UNC13B: variants seen among roughly 807,000 people sequenced by gnomAD.
UNC13B encodes the protein unc-13 homolog B.
UNC13B carries 144 observed loss-of-function variants against 211.0 expected under a neutral mutation model. The ratio of observed to expected loss-of-function variants is 0.68; its 90% CI spans 0.60 to 0.78. The LOEUF is 0.78. UNC13B is among the 30% of genes least tolerant of loss of function. The pLI, the probability that UNC13B is intolerant of heterozygous loss-of-function variation, is 0.00. For missense variants in UNC13B, 1,777 were observed against 2,002.0 expected (o/e 0.89, Z 2.14); for synonymous variants, 709 against 725.8 (o/e 0.98, Z 0.37).
intron 1 of UNC13B, among the ~76,000 whole-genome samples, chr9:35,212,821 G>A (rs1824043710): frequency 6.6e-6 from 1 of 152,216 alleles, no homozygotes; most frequent in Non-Finnish European, 1.5e-5. Flanking sequence ...GAACATGAGA[G>A]TTGGTGGAGG....
At chr9:35,358,368 C>T (rs1044710886) in intron 11 of UNC13B, among the ~76,000 whole-genome samples, 27 of 152,166 alleles carry the variant, frequency 1.8e-4, no homozygotes, top group African/African-American at 6.3e-4. Context: ...TTTGAAGAAT[C>T]ACCATACCAT....
chr9:35,371,364 T>A (rs564394053), intron 13 of UNC13B, among the ~76,000 whole-genome samples: 2 of 151,012 alleles, frequency 1.3e-5, no homozygotes, highest in African/African-American at 4.8e-5. Flanking sequence ...TTTTTTTTTT[T>A]ATAGAGACGG....
chr9:35,214,467 C>T (rs1040502280), intron 1 of UNC13B, among the ~76,000 whole-genome samples: 6 of 151,708 alleles, frequency 4.0e-5, no homozygotes, highest in Non-Finnish European at 2.9e-5. Context: ...AAGAACAAAA[C>T]AAAAGAAACT....
intron 10 of UNC13B, among the ~76,000 whole-genome samples, chr9:35,313,127 T>G (rs1044981799): frequency 2.0e-5 from 3 of 152,146 alleles, no homozygotes; most frequent in Non-Finnish European, 2.9e-5. Flanking sequence ...CTATACTACG[T>G]ATTGACTCAG....
At chr9:35,251,137 G>A (rs898079477) in intron 6 of UNC13B, among the ~76,000 whole-genome samples, 2 of 151,616 alleles carry the variant, frequency 1.3e-5, no homozygotes, top group East Asian at 2.0e-4. Flanking sequence ...TAATTTTTTT[G>A]TATCTTTTAG....
intron 12 of UNC13B, among the ~76,000 whole-genome samples, chr9:35,367,329 G>C (rs1833837000): frequency 6.6e-6 from 1 of 152,078 alleles, no homozygotes; most frequent in Admixed American, 6.5e-5. Flanking sequence ...AAAAATATCT[G>C]CATTTGGAAA....
rs73499383 is a variant in UNC13B, at chr9:35,351,483, A to G, written c.9415-15464A>G. On this transcript the variant is annotated intron_variant, in intron 11 of 39. Coordinates refer to ENST00000635942, the MANE Select transcript of UNC13B (RefSeq NM_001371189.2). ...TCTCTATTAAGCATCCTGACCAGAA[A>G]TAAGAGGAAGAAGCAGAGAACCCCT... The G allele has an allele frequency of 5.9e-3, 7,266 of 1,231,998 alleles. 319 individuals are homozygous for G. The African/African-American group carries it at 0.094, about 16-fold the overall frequency. 76.3% of individuals were successfully genotyped at this position (1,231,998 alleles called of 1,614,324 possible). A position where few individuals can be genotyped will look rare whatever the true frequency, so the allele number is the denominator to read the frequency against.
intron 1 of UNC13B, among the ~76,000 whole-genome samples, chr9:35,202,422 T>A (rs1823362416): frequency 6.6e-6 from 1 of 152,220 alleles, no homozygotes; most frequent in Admixed American, 6.5e-5. Flanking sequence ...TTCTGTCTCA[T>A]TGAGCTGTCT....
Position 35,306,459 on chromosome 9 carries a change from T to C in UNC13B, c.7055T>C (p.Leu2352Pro). The change falls in exon 9 of 40, where the codon CTT (leucine) becomes CCT (proline). Residue 2352 changes from leucine to proline, a missense_variant. Leu to Pro is a moderately conservative substitution (Grantham distance 98, BLOSUM62 -3). Transcript: ENST00000635942. Reference protein sequence around the residue: ...AETFLTGPENLGIAPHEEEAF... With the variant: ...AETFLTGPENPGIAPHEEEAF... The stretch of plus-strand genomic sequence containing the variant: ...ACATTCCTCACTGGCCCAGAGAACC[T>C]TGGGATAGCTCCCCATGAAGAAGAG... The C allele has an allele frequency of 2.5e-6, 1 of 399,028 alleles. No homozygotes were observed. The highest frequency in any genetic ancestry group is 4.4e-6 in the Non-Finnish European group (1 of 226,044). The allele number at this position is 399,028 out of a possible 1,614,324, so 24.7% of individuals were successfully genotyped here.
chr9:35,231,171 C>G lies in UNC13B; in HGVS notation c.104C>G (p.Thr35Ser), dbSNP rs756726680. ...TLKVQNVKSTTVAVRGDQPSW... is the reference protein window; with the variant it reads ...TLKVQNVKSTSVAVRGDQPSW... Reference sequence around the variant, plus strand: ...AAAGTACAGAATGTGAAGAGCACAACTGTAGCAGTTCGTGGTGATCAGCCT... The same window carrying G: ...AAAGTACAGAATGTGAAGAGCACAAGTGTAGCAGTTCGTGGTGATCAGCCT... Residue 35 changes from threonine to serine, a missense_variant, in exon 3 of 40, where the codon ACT (threonine) becomes AGT (serine). Coordinates refer to ENST00000635942, the MANE Select transcript of UNC13B (RefSeq NM_001371189.2). The G allele has an allele frequency of 7.4e-6, 12 of 1,613,460 alleles. No individual in the cohort carries two copies. The East Asian group carries it at 1.8e-4, about 24-fold the overall frequency.
At chr9:35,323,418 G>C (rs1041914876) in intron 11 of UNC13B, among the ~76,000 whole-genome samples, 2 of 152,116 alleles carry the variant, frequency 1.3e-5, no homozygotes, top group Non-Finnish European at 2.9e-5. Context: ...TGCAAATCCT[G>C]TACATAAGCC....
At chr9:35,200,044 C>G (rs2131372326) in intron 1 of UNC13B, among the ~76,000 whole-genome samples, 2 of 152,330 alleles carry the variant, frequency 1.3e-5, no homozygotes, top group African/African-American at 4.8e-5. Context: ...GATCCAGTTT[C>G]AGCTTTCTAC....
At chr9:35,396,448 C>T in intron 26 of UNC13B, 28 bp from the exon 27 acceptor site, 1 of 1,613,684 alleles carries the variant, frequency 6.2e-7, no homozygotes, top group Non-Finnish European at 8.5e-7. Context: ...CTGCTGGGAC[C>T]TGACCCAACC....
chr9:35,219,332 C>T (rs1374118496), intron 1 of UNC13B, among the ~76,000 whole-genome samples: 1 of 152,078 alleles, frequency 6.6e-6, no homozygotes, highest in Admixed American at 6.5e-5. Context: ...GGAGAAGCCA[C>T]TTGACTCATG....
At position 35,207,460 on chromosome 9, in the gene UNC13B, T is replaced by C. The variant is rs980566863; in HGVS notation, c.23-20555T>C. Among the ~76,000 whole-genome samples, 3 of 145,296 alleles carry C rather than the reference T, an allele frequency of 2.1e-5. No individual in the cohort carries two copies. The Admixed American group carries it at 2.1e-4, about 10-fold the overall frequency. ...AAAAAATATTTTTTTCTATGAACTC[T>C]GCAGAGAAGAAATTAATTTTTATTT... On this transcript the variant is annotated intron_variant, in intron 1 of 39. Transcript: ENST00000635942.
At chr9:35,174,750 T>C (rs1045646771) in intron 1 of UNC13B, among the ~76,000 whole-genome samples, 1 of 152,132 alleles carries the variant, frequency 6.6e-6, no homozygotes, top group African/African-American at 2.4e-5. Context: ...GGGGTTCCAC[T>C]GTGTTAGCCA....
chr9:35,189,598 A>G (rs1264513669), intron 1 of UNC13B, among the ~76,000 whole-genome samples: 2 of 152,232 alleles, frequency 1.3e-5, no homozygotes, highest in Admixed American at 1.3e-4. Context: ...TTTTATAGAC[A>G]TTACACACAA....
intron 11 of UNC13B, among the ~76,000 whole-genome samples, chr9:35,321,424 C>T (rs1052009390): frequency 1.3e-5 from 2 of 151,910 alleles, no homozygotes; most frequent in African/African-American, 2.4e-5. Flanking sequence ...CCTATGTTGC[C>T]CAGCCTGATC....
chr9:35,281,378 T>G (rs374302791), intron 7 of UNC13B, among the ~76,000 whole-genome samples: 6 of 146,442 alleles, frequency 4.1e-5, no homozygotes, highest in African/African-American at 1.5e-4. Flanking sequence ...ATCACACCAC[T>G]GCACTCGAGC....
Sources: gnomAD v4.1 joint callset for allele counts (sites outside exome capture counted in the v4.1 genomes callset) on GRCh38, gnomAD v4.1.1 for gene constraint, MANE v1.5 for transcripts, NCBI Gene and HGNC (gene_info 2026-07-23, HGNC 2026-07-21) for gene names.